Variants in CENPA observed in about 807,000 individuals in gnomAD.
CENPA encodes histone H3-like centromeric protein A.
In CENPA, 7 loss-of-function variants were observed where a neutral mutation model predicts 17.2. The ratio of observed to expected loss-of-function variants is 0.41; its 90% CI spans 0.23 to 0.76. The LOEUF (loss-of-function observed/expected upper bound fraction) is 0.76. Ranked by LOEUF, CENPA falls within the 30% of genes least tolerant of loss-of-function variation. The probability of loss-of-function intolerance (pLI) is 0.34; values close to 1 mark genes in which losing one functional copy is unlikely to be tolerated. For missense variants in CENPA, 149 were observed against 193.1 expected (o/e 0.77, Z 1.35); for synonymous variants, 82 against 77.4 (o/e 1.06, Z -0.31).
chr2:26,786,371 G>C, intron 1 of CENPA, 75 bp downstream of exon 1: 1 of 1,274,720 alleles, frequency 7.8e-7, no homozygotes, highest in Non-Finnish European at 9.9e-7. Context: ...CCCGAGTCCC[G>C]ATCCCGTGGC....
chr2:26,793,078 A>G (rs1200848699), intron 3 of CENPA, 67 bp from the exon 4 acceptor site: 8 of 1,588,786 alleles, frequency 5.0e-6, no homozygotes. Context: ...TAAGTTTAGC[A>G]GGTTTCCAAA....
At position 26,792,222 on chromosome 2, in the gene CENPA, G is replaced by A. The variant is rs368168633; in HGVS notation, c.192G>A (p.Lys64=). ...LQKSTHLLIR[K]LPFSRLAREI... ...AGAGCACACACCTCTTGATAAGGAA[G>A]CTGCCCTTCAGCCGCCTGGTAAGCT... Residue 64 remains lysine (K), a synonymous_variant, in exon 2 of 5, where the codon AAG becomes AAA. Transcript: ENST00000335756. The A allele has an allele frequency of 2.5e-6, 4 of 1,613,462 alleles. No homozygotes were observed. The African/African-American group carries it at 5.3e-5, about 22-fold the overall frequency.
At position 26,793,285 on chromosome 2, in the gene CENPA, T is replaced by C. The variant is rs1664653949; in HGVS notation, c.*6T>C. On this transcript the variant is annotated 3_prime_UTR_variant, in exon 4 of 5. Coordinates refer to ENST00000335756, the MANE Select transcript of CENPA (RefSeq NM_001809.4). Reference sequence around the variant, plus strand: ...TTGAGGAGGGACTCGGCTGAGCTCCTGCACCCAGTGTTTCTGTCAGTCTTT... The same window carrying C: ...TTGAGGAGGGACTCGGCTGAGCTCCCGCACCCAGTGTTTCTGTCAGTCTTT... 6.2e-7 allele frequency: 1 copy of C among 1,613,592 alleles called. No individual in the cohort carries two copies. The highest frequency in any genetic ancestry group is 1.7e-5 in the Admixed American group (1 of 60,010).
Position 26,793,255 on chromosome 2 carries a change from G to C in CENPA, c.399G>C (p.Arg133=). The change falls in exon 4 of 5, where the codon CGG becomes CGC. Residue 133 remains arginine, a synonymous_variant. Transcript: ENST00000335756. ...PKDVQLARRI[R]GLEEGLG The stretch of plus-strand genomic sequence containing the variant: ...ATGTGCAACTGGCCCGGAGGATCCG[G>C]GGCCTTGAGGAGGGACTCGGCTGAG... The C allele has an allele frequency of 6.2e-7, 1 of 1,614,096 alleles. No individual in the cohort carries two copies. The highest frequency in any genetic ancestry group is 8.5e-7 in the Non-Finnish European group (1 of 1,180,028).
chr2:26,791,002 T>A lies in CENPA; in HGVS notation c.101-1129T>A, dbSNP rs998931322. On this transcript the variant is annotated intron_variant, in intron 1 of 4. Coordinates refer to ENST00000335756, the MANE Select transcript of CENPA (RefSeq NM_001809.4). ...ATTTTATCCGTCAACATGTTATTTTTGTATTTTGTTTGTTCAACTTATCAG... is the reference window on the plus strand; with the variant it reads ...ATTTTATCCGTCAACATGTTATTTTAGTATTTTGTTTGTTCAACTTATCAG... 2.0e-5 allele frequency among the ~76,000 whole-genome samples: 3 copies of A among 152,280 alleles called. No individual in the cohort carries two copies. The East Asian group carries it at 5.8e-4, about 29-fold the overall frequency.
In CENPA at chr2:26,793,993, C is replaced by T. The variant is rs577692770; in HGVS notation, c.*229C>T. 1 of 152,176 alleles carries T rather than the reference C, an allele frequency of 6.6e-6. No individual in the cohort carries two copies. Among genetic ancestry groups the T allele is most frequent in the African/African-American group, 2.4e-5 (1 of 41,502 alleles). The allele number at this position is 152,176 out of a possible 1,614,324, so 9.4% of individuals were successfully genotyped here. On this transcript the variant is annotated 3_prime_UTR_variant, in exon 5 of 5. Coordinates refer to ENST00000335756, the MANE Select transcript of CENPA (RefSeq NM_001809.4). ...AGGTAATATATGAGACAATCAACAC[C>T]GTTCCAAAGGCCTGAAAATAATTTT...
chr2:26,793,761 TTTC>T (rs1397679718), intron 4 of CENPA, 48 bp from the exon 5 acceptor site: 2 of 153,178 alleles, frequency 1.3e-5, no homozygotes, highest in African/African-American at 4.8e-5. Flanking sequence ...AAGAGAAAGT[TTTC>T]TTACTTTTGA....
At chr2:26,791,915 G>A (rs1664621687) in intron 1 of CENPA, among the ~76,000 whole-genome samples, 1 of 152,106 alleles carries the variant, frequency 6.6e-6, no homozygotes, top group African/African-American at 2.4e-5. Context: ...GCTGAAGATA[G>A]CAGCAAAATT....
At chr2:26,786,806 G>T (rs531038795) in intron 1 of CENPA, among the ~76,000 whole-genome samples, 2 of 152,168 alleles carry the variant, frequency 1.3e-5, no homozygotes. Context: ...GTCTTTCAGG[G>T]GTTTTTTTTC....
rs1664677369 is a variant in CENPA, at chr2:26,794,407, A to G, written c.*643A>G. The G allele has an allele frequency of 6.6e-6, 1 of 152,266 alleles. No homozygotes were observed. Among genetic ancestry groups the G allele is most frequent in the Non-Finnish European group, 1.5e-5 (1 of 68,050 alleles). 9.4% of individuals were successfully genotyped at this position (152,266 alleles called of 1,614,324 possible). ...AAGCTTTGATGTTCTGGTTACTTCT[A>G]GTAAATTCCTGTCAAAATCAATTCA... On this transcript the variant is annotated 3_prime_UTR_variant, in exon 5 of 5. Transcript: ENST00000335756.
intron 3 of CENPA, 131 bp downstream of exon 3, chr2:26,792,964 G>A: frequency 1.6e-6 from 2 of 1,223,702 alleles, no homozygotes; most frequent in Non-Finnish European, 1.2e-6. Context: ...GGTAACCTCT[G>A]AGGGTTTGGA....
At chr2:26,787,728 C>T (rs1664538603) in intron 1 of CENPA, among the ~76,000 whole-genome samples, 1 of 152,102 alleles carries the variant, frequency 6.6e-6, no homozygotes, top group African/African-American at 2.4e-5. Context: ...GTTGCCTAGG[C>T]TGGAGTAGGT....
rs1201092731 is a variant in CENPA, at chr2:26,794,420, C to CA, written c.*660dup. 2 of 152,190 alleles carry CA rather than the reference C, an allele frequency of 1.3e-5. No individual in the cohort carries two copies. The highest frequency in any genetic ancestry group is 2.9e-5 in the Non-Finnish European group (2 of 68,038). The allele number at this position is 152,190 out of a possible 1,614,324, so 9.4% of individuals were successfully genotyped here. On this transcript the variant is annotated 3_prime_UTR_variant, in exon 5 of 5. Coordinates refer to ENST00000335756, the MANE Select transcript of CENPA (RefSeq NM_001809.4). ...CTGGTTACTTCTAGTAAATTCCTGT[C>CA]AAAATCAATTCAGAAATTCTAACTT...
intron 1 of CENPA, among the ~76,000 whole-genome samples, chr2:26,791,811 A>G (rs921927726): frequency 1.3e-5 from 2 of 152,258 alleles, no homozygotes; most frequent in Non-Finnish European, 2.9e-5. Flanking sequence ...GAAAGACTTC[A>G]TGGAAGAGTT....
At chr2:26,788,535 CCCTT>C (rs921523516) in intron 1 of CENPA, among the ~76,000 whole-genome samples, 16 of 152,266 alleles carry the variant, frequency 1.1e-4, no homozygotes, top group African/African-American at 3.6e-4. Context: ...CCTATCAAAG[CCCTT>C]CCTTCTACAT....
rs1664655084 is a variant in CENPA, at chr2:26,793,335, A to T, written c.*47+9A>T. The T allele has an allele frequency of 1.3e-6, 2 of 1,598,316 alleles. No individual in the cohort carries two copies. Among genetic ancestry groups the T allele is most frequent in the East Asian group, 4.5e-5 (2 of 44,650 alleles). On this transcript the variant is annotated intron_variant, in intron 4 of 4. Coordinates refer to ENST00000335756, the MANE Select transcript of CENPA (RefSeq NM_001809.4). ...TCCTGCTCAGCCAGGGGGTAAGCTC[A>T]TCCTCTTTCACAGGACTGGGGCTGG...
chr2:26,792,904 G>A (rs1664647206), intron 3 of CENPA, 71 bp downstream of exon 3: 2 of 1,389,482 alleles, frequency 1.4e-6, no homozygotes, highest in Admixed American at 3.4e-5. Context: ...ATTCTCCAGT[G>A]CTGACTGGAG....
At position 26,792,647 on chromosome 2, in the gene CENPA, A is replaced by C; in HGVS notation, c.211-109A>C. ...GTCCTAAGATTAAGAGCCAGGAAAA[A>C]ATAATGGAAAGGAAGATTCACTGGA... On this transcript the variant is annotated intron_variant, in intron 2 of 4. Coordinates refer to ENST00000335756, the MANE Select transcript of CENPA (RefSeq NM_001809.4). 6 of 1,008,762 alleles carry C rather than the reference A, an allele frequency of 5.9e-6. No homozygotes were observed. In the South Asian group the frequency reaches 6.8e-5, roughly 11 times the overall value. The allele number at this position is 1,008,762 out of a possible 1,614,324, so 62.5% of individuals were successfully genotyped here.
Position 26,794,437 on chromosome 2 carries a change from T to C in CENPA, c.*673T>C, listed in dbSNP as rs1477630910. The C allele has an allele frequency of 1.3e-5, 2 of 152,238 alleles. No homozygotes were observed. The highest frequency in any genetic ancestry group is 3.8e-4 in the East Asian group (2 of 5,206). 9.4% of individuals were successfully genotyped at this position (152,238 alleles called of 1,614,324 possible). A position where few individuals can be genotyped will look rare whatever the true frequency, so the allele number is the denominator to read the frequency against. On this transcript the variant is annotated 3_prime_UTR_variant, in exon 5 of 5. Transcript: ENST00000335756. The stretch of plus-strand genomic sequence containing the variant: ...ATTCCTGTCAAAATCAATTCAGAAA[T>C]TCTAACTTGGAGAATTTAACATTTT...
Sources: gnomAD v4.1 joint callset for allele counts (sites outside exome capture counted in the v4.1 genomes callset) on GRCh38, gnomAD v4.1.1 for gene constraint, MANE v1.5 for transcripts, NCBI Gene and HGNC (gene_info 2026-07-23, HGNC 2026-07-21) for gene names.